The following TNNI3K variants were observed in gnomAD, a reference collection of about 807,000 sequenced individuals.
TNNI3K encodes the protein TNNI3 interacting kinase.
TNNI3K carries 140 observed loss-of-function variants against 114.5 expected under a neutral mutation model. The ratio of observed to expected loss-of-function variants is 1.22; its 90% CI spans 1.07 to 1.41. The LOEUF (loss-of-function observed/expected upper bound fraction) is 1.41. Among genes scored for constraint, TNNI3K ranks in the 40% most tolerant of loss-of-function variants. The pLI, the probability that TNNI3K is intolerant of heterozygous loss-of-function variation, is 0.00. For synonymous variants in TNNI3K, 347 were observed against 347.5 expected (o/e 1.00, Z 0.02); for missense variants, 1,125 against 1,007.6 (o/e 1.12, Z -1.58).
intron 23 of TNNI3K, among the ~76,000 whole-genome samples, chr1:74,534,260 A>G (rs1376782894): frequency 1.3e-5 from 2 of 152,148 alleles, no homozygotes; most frequent in African/African-American, 4.8e-5. Flanking sequence ...TACGTCTGTT[A>G]TAATTCACCA....
At chr1:74,412,574 A>C (rs1664933905) in intron 17 of TNNI3K, among the ~76,000 whole-genome samples, 1 of 152,158 alleles carries the variant, frequency 6.6e-6, no homozygotes. Context: ...ACTCAATGAC[A>C]TCAGGCCACA....
intron 11 of TNNI3K, among the ~76,000 whole-genome samples, chr1:74,356,086 T>G (rs1661640956): frequency 2.0e-5 from 3 of 152,206 alleles, no homozygotes; most frequent in Admixed American, 2.0e-4. Context: ...TGTGGCATAG[T>G]CGTTTTGCCA....
intron 23 of TNNI3K, among the ~76,000 whole-genome samples, chr1:74,526,444 G>A (rs1646504909): frequency 6.6e-6 from 1 of 152,168 alleles, no homozygotes; most frequent in South Asian, 2.1e-4. Flanking sequence ...AGATGGACCT[G>A]AGTTCAAATT....
intron 11 of TNNI3K, among the ~76,000 whole-genome samples, chr1:74,364,925 C>A (rs1160835832): frequency 6.6e-6 from 1 of 152,176 alleles, no homozygotes; most frequent in East Asian, 1.9e-4. Context: ...GAACTTTTGA[C>A]CTCCAGAATT....
intron 20 of TNNI3K, among the ~76,000 whole-genome samples, chr1:74,450,289 C>T (rs1413537207): frequency 6.6e-6 from 1 of 151,392 alleles, no homozygotes. Flanking sequence ...ACTAAATGCC[C>T]ACAAGAGAAA....
At chr1:74,357,243 G>T (rs1205332831) in intron 11 of TNNI3K, among the ~76,000 whole-genome samples, 1 of 152,110 alleles carries the variant, frequency 6.6e-6, no homozygotes, top group African/African-American at 2.4e-5. Context: ...CCCCATCATG[G>T]TTTACCATGT....
chr1:74,347,317 A>G (rs914914287), intron 9 of TNNI3K, among the ~76,000 whole-genome samples: 2 of 151,898 alleles, frequency 1.3e-5, no homozygotes, highest in Non-Finnish European at 2.9e-5. Context: ...ATGTCCCTAC[A>G]AAGGACATGA....
At chr1:74,444,477 A>T (rs1209293824) in intron 20 of TNNI3K, among the ~76,000 whole-genome samples, 1 of 152,008 alleles carries the variant, frequency 6.6e-6, no homozygotes, top group African/African-American at 2.4e-5. Context: ...ACTAACAAGA[A>T]AAGTGAAGGA....
chr1:74,361,032 A>G (rs1456096755), intron 11 of TNNI3K, among the ~76,000 whole-genome samples: 5 of 152,112 alleles, frequency 3.3e-5, no homozygotes, highest in Non-Finnish European at 5.9e-5. Context: ...GTTCTGCTAC[A>G]TGGCATCTGG....
chr1:74,327,785 G>A (rs1433693564), intron 5 of TNNI3K, among the ~76,000 whole-genome samples: 1 of 148,346 alleles, frequency 6.7e-6, no homozygotes, highest in East Asian at 2.0e-4. Context: ...ATCTAAGTAT[G>A]ATACAATTTA....
chr1:74,289,286 A>G (rs1396952832), intron 5 of TNNI3K, among the ~76,000 whole-genome samples: 4 of 151,956 alleles, frequency 2.6e-5, no homozygotes, highest in Non-Finnish European at 5.9e-5. Context: ...AAAAATGATG[A>G]TCACATTTTG....
intron 9 of TNNI3K, among the ~76,000 whole-genome samples, chr1:74,347,735 A>G (rs1358254867): frequency 1.3e-5 from 2 of 152,116 alleles, no homozygotes; most frequent in African/African-American, 2.4e-5. Context: ...TTTGATTTGC[A>G]TCTCTCTGAT....
chr1:74,258,049 A>G (rs1313025693), intron 4 of TNNI3K, among the ~76,000 whole-genome samples: 1 of 152,080 alleles, frequency 6.6e-6, no homozygotes, highest in South Asian at 2.1e-4. Flanking sequence ...ATTTTTTGGC[A>G]TGTCACCTGA....
chr1:74,247,301 C>T lies in TNNI3K; in HGVS notation c.150-2158C>T, dbSNP rs561819626. On this transcript the variant is annotated intron_variant, in intron 2 of 24. Transcript: ENST00000326637. ...TCTGGAGTTGTTTGTTCCTCCCGTC[C>T]GGAGTTGTTCATTCCTCCCAGTGGG... is the stretch of plus-strand genomic sequence containing the variant. Among the ~76,000 whole-genome samples the T allele has an allele frequency of 3.3e-5, 5 of 152,192 alleles. No homozygotes were observed. In the East Asian group the frequency reaches 7.7e-4, roughly 24 times the overall value.
intron 5 of TNNI3K, among the ~76,000 whole-genome samples, chr1:74,294,695 A>G (rs1259923292): frequency 6.6e-6 from 1 of 152,080 alleles, no homozygotes; most frequent in Non-Finnish European, 1.5e-5. Context: ...AAATTTGATC[A>G]TAAGTGCTTC....
At chr1:74,411,302 G>A (rs1192282373) in intron 17 of TNNI3K, among the ~76,000 whole-genome samples, 1 of 152,180 alleles carries the variant, frequency 6.6e-6, no homozygotes, top group Non-Finnish European at 1.5e-5. Flanking sequence ...AACCATTTGG[G>A]ATGCAGCTAA....
At chr1:74,336,887 G>A (rs1000390989) in intron 7 of TNNI3K, among the ~76,000 whole-genome samples, 60 of 152,214 alleles carry the variant, frequency 3.9e-4, no homozygotes, top group Middle Eastern at 3.4e-3. Context: ...GCTGGGTCAA[G>A]TGGTATTTCT....
chr1:74,343,124 T>G lies in TNNI3K; in HGVS notation c.877T>G (p.Ser293Ala). Reference protein sequence around the residue: ...FEVAKEIIQISGTESLTKENI... With the variant: ...FEVAKEIIQIAGTESLTKENI... ...AGTTGCCAAGGAAATCATCCAAATA[T>G]CAGGAACAGAAAGTCTGACTAAGGA... The change falls in exon 9 of 25, where the codon TCA (serine) becomes GCA (alanine). Residue 293 changes from serine to alanine, a missense_variant. Ser to Ala is a moderately conservative substitution (Grantham distance 99). Transcript: ENST00000326637. 1 of 1,613,466 alleles carries G rather than the reference T, an allele frequency of 6.2e-7. No individual in the cohort carries two copies. Among genetic ancestry groups the G allele is most frequent in the Non-Finnish European group, 8.5e-7 (1 of 1,179,802 alleles).
chr1:74,459,422 CCAGGAA>C (rs1667355286), intron 20 of TNNI3K, among the ~76,000 whole-genome samples: 1 of 151,654 alleles, frequency 6.6e-6, no homozygotes, highest in Non-Finnish European at 1.5e-5. Flanking sequence ...GGAAGGGTAC[CCAGGAA>C]AAGTCAATCA....
Sources: allele counts gnomAD v4.1 joint callset (sites outside exome capture counted in the v4.1 genomes callset), GRCh38; gene constraint gnomAD v4.1.1; transcripts MANE v1.5; gene names NCBI Gene and HGNC (gene_info 2026-07-23, HGNC 2026-07-21).